PTPRO: variants seen among roughly 807,000 people sequenced by gnomAD.
PTPRO encodes receptor-type tyrosine-protein phosphatase O.
In PTPRO, 62 loss-of-function variants were observed where a neutral mutation model predicts 145.2. The ratio of observed to expected loss-of-function variants is 0.43; its 90% CI spans 0.35 to 0.53. PTPRO has a LOEUF of 0.53. Among genes scored for constraint, PTPRO ranks in the 20% least tolerant of loss-of-function variants. PTPRO has a pLI of 0.01. For synonymous variants in PTPRO, 565 were observed against 514.7 expected (o/e 1.10, Z -1.32); for missense variants, 1,345 against 1,482.7 (o/e 0.91, Z 1.53).
intron 1 of PTPRO, among the ~76,000 whole-genome samples, chr12:15,422,339 A>C: frequency 6.6e-6 from 1 of 152,180 alleles, no homozygotes; most frequent in East Asian, 1.9e-4. Context: ...TACACATGGT[A>C]ACCACTACAT....
chr12:15,487,815 T>A (rs932224286), intron 2 of PTPRO, among the ~76,000 whole-genome samples: 3 of 152,332 alleles, frequency 2.0e-5, no homozygotes, highest in Middle Eastern at 3.4e-3. Context: ...TTTTAATTAG[T>A]TTTAGTTCAT....
At chr12:15,344,842 C>T (rs996391140) in intron 1 of PTPRO, among the ~76,000 whole-genome samples, 3 of 152,132 alleles carry the variant, frequency 2.0e-5, no homozygotes, top group South Asian at 2.1e-4. Flanking sequence ...TGTTCCTGCT[C>T]GGGAAGAACT....
chr12:15,382,331 T>C (rs768355202), intron 1 of PTPRO, among the ~76,000 whole-genome samples: 15 of 152,186 alleles, frequency 9.9e-5, no homozygotes, highest in Non-Finnish European at 2.2e-4. Flanking sequence ...GATCTGCTAG[T>C]TCCCATCTCC....
At chr12:15,387,925 A>G (rs1939075337) in intron 1 of PTPRO, among the ~76,000 whole-genome samples, 1 of 152,192 alleles carries the variant, frequency 6.6e-6, no homozygotes, top group Non-Finnish European at 1.5e-5. Flanking sequence ...CTTGGTTCTT[A>G]TAGAGACTAG....
intron 1 of PTPRO, among the ~76,000 whole-genome samples, chr12:15,452,665 C>T (rs960568009): frequency 1.3e-5 from 2 of 152,164 alleles, no homozygotes; most frequent in Non-Finnish European, 2.9e-5. Context: ...AAATGGGTTT[C>T]ATTCCAGAGA....
intron 18 of PTPRO, 133 bp from the exon 19 acceptor site, chr12:15,569,284 G>A (rs1459487151): frequency 9.5e-6 from 7 of 739,338 alleles, no homozygotes; most frequent in Admixed American, 2.8e-5. Context: ...AAAAAAAAAA[G>A]GTGAGTGCTA....
At chr12:15,526,450 A>G (rs942709867) in intron 12 of PTPRO, among the ~76,000 whole-genome samples, 188 bp downstream of exon 12, 1 of 152,216 alleles carries the variant, frequency 6.6e-6, no homozygotes, top group Non-Finnish European at 1.5e-5. Context: ...AGTGGGTTGT[A>G]TACTGTTCTG....
chr12:15,350,840 G>A (rs927275982), intron 1 of PTPRO, among the ~76,000 whole-genome samples: 1 of 152,188 alleles, frequency 6.6e-6, no homozygotes, highest in Non-Finnish European at 1.5e-5. Flanking sequence ...TGGAAGCTGC[G>A]GACATGTGGC....
At chr12:15,406,005 A>G (rs1446074012) in intron 1 of PTPRO, among the ~76,000 whole-genome samples, 1 of 152,208 alleles carries the variant, frequency 6.6e-6, no homozygotes, top group Non-Finnish European at 1.5e-5. Context: ...AAGTTATTAA[A>G]GTCATTAAAT....
In PTPRO at chr12:15,322,707, G is replaced by C; in HGVS notation, c.-20G>C. On this transcript the variant is annotated 5_prime_UTR_variant, in exon 1 of 27. Coordinates refer to ENST00000281171, the MANE Select transcript of PTPRO (RefSeq NM_030667.3). The surrounding 1 kb of genome is among the most constrained non-coding windows in gnomAD (Gnocchi z 6.3). Reference sequence around the variant, plus strand: ...AGTCCGCTAGCGCAGCCGTGCCCCCGAGTCCCCGTCCGCGCAGCGATGGGG... The same window carrying C: ...AGTCCGCTAGCGCAGCCGTGCCCCCCAGTCCCCGTCCGCGCAGCGATGGGG... 1 of 1,605,926 alleles carries C rather than the reference G, an allele frequency of 6.2e-7. No homozygotes were observed. The highest frequency in any genetic ancestry group is 1.3e-5 in the African/African-American group (1 of 74,858).
chr12:15,534,356 G>C (rs1021859002), intron 12 of PTPRO, among the ~76,000 whole-genome samples: 1 of 152,122 alleles, frequency 6.6e-6, no homozygotes, highest in Admixed American at 6.6e-5. Flanking sequence ...TAGCTCTCTG[G>C]TAATAGAATA....
chr12:15,338,696 C>T (rs1866857620), intron 1 of PTPRO, among the ~76,000 whole-genome samples: 1 of 152,060 alleles, frequency 6.6e-6, no homozygotes, highest in African/African-American at 2.4e-5. Flanking sequence ...AATATTCTTC[C>T]ATTCTTTTAG....
At chr12:15,430,646 G>A (rs989461172) in intron 1 of PTPRO, among the ~76,000 whole-genome samples, 1 of 152,104 alleles carries the variant, frequency 6.6e-6, no homozygotes, top group Non-Finnish European at 1.5e-5. Context: ...ATAAGTTCAA[G>A]AGATCTATTG....
intron 15 of PTPRO, among the ~76,000 whole-genome samples, chr12:15,552,482 C>A (rs1295687545): frequency 6.6e-6 from 1 of 152,076 alleles, no homozygotes; most frequent in Non-Finnish European, 1.5e-5. Flanking sequence ...TTCATCTATC[C>A]AATAGTGATC....
At chr12:15,328,841 T>C (rs1419863320) in intron 1 of PTPRO, among the ~76,000 whole-genome samples, 1 of 152,180 alleles carries the variant, frequency 6.6e-6, no homozygotes, top group African/African-American at 2.4e-5. Context: ...TTAATGAAAA[T>C]TTAAACTAAA....
chr12:15,349,933 G>A (rs1319967894), intron 1 of PTPRO, among the ~76,000 whole-genome samples: 3 of 152,222 alleles, frequency 2.0e-5, no homozygotes, highest in African/African-American at 4.8e-5. Context: ...AGGGACCAAA[G>A]TAGAAGACAC....
chr12:15,550,438 C>T (rs933287412), intron 14 of PTPRO, among the ~76,000 whole-genome samples: 1 of 152,090 alleles, frequency 6.6e-6, no homozygotes, highest in East Asian at 1.9e-4. Context: ...TATATGTGAA[C>T]CTGCACAGTT....
At chr12:15,566,032 T>C (rs774246118) in intron 18 of PTPRO, among the ~76,000 whole-genome samples, 1 of 152,216 alleles carries the variant, frequency 6.6e-6, no homozygotes, top group Non-Finnish European at 1.5e-5. Context: ...CTCTATTTGA[T>C]GTTATAATAG....
chr12:15,374,337 T>A (rs1006626314), intron 1 of PTPRO, among the ~76,000 whole-genome samples: 18 of 152,144 alleles, frequency 1.2e-4, no homozygotes, highest in African/African-American at 4.3e-4. Context: ...ACTGAAAAAA[T>A]TTTCAAATTA....
Sources: allele counts gnomAD v4.1 joint callset (sites outside exome capture counted in the v4.1 genomes callset), GRCh38; gene constraint gnomAD v4.1.1; non-coding constraint Gnocchi (gnomAD v3.1); transcripts MANE v1.5; gene names NCBI Gene and HGNC (gene_info 2026-07-23, HGNC 2026-07-21).